CPQ: variants seen among roughly 807,000 people sequenced by gnomAD.
CPQ encodes the protein Ser-Met dipeptidase.
Under a neutral mutation model 45.7 loss-of-function variants are expected in CPQ, and 37 were observed. The observed-to-expected ratio is 0.81, with a 90% CI of 0.62 to 1.07. The LOEUF is 1.07. Among genes scored for constraint, CPQ ranks in the 50% least tolerant of loss-of-function variants. CPQ has a pLI of 0.00. For synonymous variants in CPQ, 186 were observed against 205.8 expected (o/e 0.90, Z 0.82); for missense variants, 537 against 572.9 (o/e 0.94, Z 0.64).
At chr8:96,765,937 T>C (rs1005485060) in intron 1 of CPQ, among the ~76,000 whole-genome samples, 5 of 152,180 alleles carry the variant, frequency 3.3e-5, no homozygotes, top group African/African-American at 9.7e-5. Context: ...CAGAGTGCTG[T>C]GTACGATGGA....
intron 1 of CPQ, among the ~76,000 whole-genome samples, chr8:96,748,904 C>T (rs1810224376): frequency 6.6e-6 from 1 of 152,250 alleles, no homozygotes; most frequent in South Asian, 2.1e-4. Flanking sequence ...AGCTTCTCCT[C>T]TTAAAGAATT....
At chr8:97,107,706 G>A (rs1811427145) in intron 7 of CPQ, among the ~76,000 whole-genome samples, 1 of 152,168 alleles carries the variant, frequency 6.6e-6, no homozygotes, top group Non-Finnish European at 1.5e-5. Flanking sequence ...GGCTGGAGAA[G>A]GGCCAGAATA....
At chr8:96,789,953 G>T (rs981032008) in intron 2 of CPQ, among the ~76,000 whole-genome samples, 4 of 152,078 alleles carry the variant, frequency 2.6e-5, no homozygotes, top group African/African-American at 9.7e-5. Context: ...AACCCCCAGG[G>T]TTTACTGGGA....
intron 4 of CPQ, among the ~76,000 whole-genome samples, chr8:96,891,762 G>A (rs937162730): frequency 6.6e-6 from 1 of 152,118 alleles, no homozygotes; most frequent in Non-Finnish European, 1.5e-5. Flanking sequence ...CACCATAGCT[G>A]CATGGTAAGA....
At chr8:96,915,307 C>A (rs1015862825) in intron 4 of CPQ, among the ~76,000 whole-genome samples, 2 of 152,108 alleles carry the variant, frequency 1.3e-5, no homozygotes, top group Non-Finnish European at 2.9e-5. Flanking sequence ...TGTACACATT[C>A]TGTAACTAGA....
Position 96,807,863 on chromosome 8 carries a change from T to A in CPQ, c.433+22533T>A, listed in dbSNP as rs142615792. ...AACCTTGAAAACAAAGTACTGTATA[T>A]CTGTATTTACATTTGAAAGGCTCTT... is the stretch of plus-strand genomic sequence containing the variant. On this transcript the variant is annotated intron_variant, in intron 2 of 7. Coordinates refer to ENST00000220763, the MANE Select transcript of CPQ (RefSeq NM_016134.4). Among the ~76,000 whole-genome samples, 3 of 152,320 alleles carry A rather than the reference T, an allele frequency of 2.0e-5. No individual in the cohort carries two copies. The East Asian group carries it at 5.8e-4, about 29-fold the overall frequency.
chr8:96,845,312 A>C (rs563781909), intron 3 of CPQ, among the ~76,000 whole-genome samples: 187 of 152,222 alleles, frequency 1.2e-3, no homozygotes, highest in African/African-American at 4.3e-3. Context: ...TTGCATGAGG[A>C]CTGGAACTGT....
intron 4 of CPQ, among the ~76,000 whole-genome samples, chr8:96,908,162 AGAGACGAGAGAGAGAGGAGAGAGG>A (rs1363072270): frequency 3.3e-5 from 5 of 151,162 alleles, no homozygotes; most frequent in Non-Finnish European, 1.5e-5. Context: ...GTGAGGAGAG[AGAGACGAGAGAGAGAGGAGAGAGG>A]GAGAAGAGAG....
intron 4 of CPQ, among the ~76,000 whole-genome samples, chr8:96,929,363 G>T (rs2130917278): frequency 6.6e-6 from 1 of 152,288 alleles, no homozygotes; most frequent in African/African-American, 2.4e-5. Context: ...CTGTTTGAAT[G>T]TGTATTTTTA....
At chr8:96,768,231 T>A (rs755153369) in intron 1 of CPQ, among the ~76,000 whole-genome samples, 1 of 152,202 alleles carries the variant, frequency 6.6e-6, no homozygotes, top group Non-Finnish European at 1.5e-5. Flanking sequence ...CATTGACTGA[T>A]TAAGCACTTT....
intron 6 of CPQ, among the ~76,000 whole-genome samples, chr8:97,057,454 T>G (rs1351199796): frequency 1.3e-5 from 2 of 152,150 alleles, no homozygotes; most frequent in African/African-American, 4.8e-5. Context: ...TATTGCTTTT[T>G]TCAAGGAGAT....
chr8:96,930,617 C>T (rs1812961457), intron 4 of CPQ, among the ~76,000 whole-genome samples: 2 of 152,276 alleles, frequency 1.3e-5, no homozygotes, highest in East Asian at 1.9e-4. Context: ...GGAAAGACTT[C>T]GTTCCTCTTC....
intron 2 of CPQ, among the ~76,000 whole-genome samples, chr8:96,824,980 C>T (rs1382600868): frequency 6.6e-6 from 1 of 151,880 alleles, no homozygotes; most frequent in Non-Finnish European, 1.5e-5. Flanking sequence ...AGGGACATCC[C>T]CTGTGGTGGC....
At chr8:96,892,972 C>T (rs1812397334) in intron 4 of CPQ, among the ~76,000 whole-genome samples, 1 of 152,148 alleles carries the variant, frequency 6.6e-6, no homozygotes, top group Non-Finnish European at 1.5e-5. Context: ...ATACTTAGTA[C>T]ATGGCAAGTG....
At chr8:96,694,841 T>C (rs1365345509) in intron 1 of CPQ, among the ~76,000 whole-genome samples, 1 of 152,118 alleles carries the variant, frequency 6.6e-6, no homozygotes, top group Non-Finnish European at 1.5e-5. Flanking sequence ...AACAAACTAA[T>C]GGTGTATCTT....
chr8:96,666,439 A>T (rs541544180), intron 1 of CPQ, among the ~76,000 whole-genome samples: 65 of 152,332 alleles, frequency 4.3e-4, no homozygotes, highest in African/African-American at 1.5e-3. Flanking sequence ...GCCAGGAAAG[A>T]TTCTGATTTG....
intron 4 of CPQ, among the ~76,000 whole-genome samples, chr8:96,891,642 CA>C (rs1414240719): frequency 6.6e-6 from 1 of 152,184 alleles, no homozygotes; most frequent in African/African-American, 2.4e-5. Flanking sequence ...GGTGAGCACT[CA>C]CATTGGATAC....
At chr8:96,894,660 A>G (rs1046756782) in intron 4 of CPQ, among the ~76,000 whole-genome samples, 10 of 152,238 alleles carry the variant, frequency 6.6e-5, no homozygotes, top group African/African-American at 2.4e-4. Context: ...TTTAAAAGAT[A>G]GGAAAGCAAT....
intron 2 of CPQ, among the ~76,000 whole-genome samples, chr8:96,795,472 A>G (rs1236226834): frequency 1.3e-5 from 2 of 152,116 alleles, no homozygotes; most frequent in Non-Finnish European, 2.9e-5. Flanking sequence ...CACCTATGAT[A>G]TTTTCCTCTA....
Sources: gnomAD v4.1 joint callset for allele counts (sites outside exome capture counted in the v4.1 genomes callset) on GRCh38, gnomAD v4.1.1 for gene constraint, MANE v1.5 for transcripts, NCBI Gene and HGNC (gene_info 2026-07-23, HGNC 2026-07-21) for gene names.